WWTR1: variants seen among roughly 807,000 people sequenced by gnomAD.
WWTR1 encodes WW domain-containing transcription regulator protein 1.
In WWTR1, 13 loss-of-function variants were observed where a neutral mutation model predicts 40.1. The ratio of observed to expected loss-of-function variants is 0.32; its 90% CI spans 0.21 to 0.52. The LOEUF (loss-of-function observed/expected upper bound fraction) is 0.52, where lower values mean the gene tolerates loss of function less well. WWTR1 is among the 20% of genes least tolerant of loss of function. The pLI is 0.97. For missense variants in WWTR1, 436 were observed against 523.1 expected (o/e 0.83, Z 1.63); for synonymous variants, 230 against 210.1 (o/e 1.09, Z -0.82).
intron 3 of WWTR1, among the ~76,000 whole-genome samples, chr3:149,568,421 C>T (rs946004110): frequency 1.3e-5 from 2 of 148,708 alleles, no homozygotes; most frequent in South Asian, 4.2e-4. Flanking sequence ...TTACTCTGCT[C>T]AGACAGAATC....
In WWTR1 at chr3:149,580,042, T is replaced by C. The variant is rs548782744; in HGVS notation, c.432-7042A>G. On this transcript the variant is annotated intron_variant, in intron 2 of 6. Transcript: ENST00000360632. ...GGCAAGGAGTCTTGCCGAAGACTTA[T>C]ATTAAACTTTTAAAATTTTCCTCAA... 1.0e-3 allele frequency among the ~76,000 whole-genome samples: 159 copies of C among 152,342 alleles called. 2 individuals are homozygous for C. The highest frequency in any genetic ancestry group is 1.7e-3 in the Non-Finnish European group (117 of 68,028).
intron 2 of WWTR1, among the ~76,000 whole-genome samples, chr3:149,626,608 C>G (rs1740554011): frequency 6.6e-6 from 1 of 151,864 alleles, no homozygotes; most frequent in African/African-American, 2.4e-5. Context: ...CCAAAGCAGG[C>G]TGAGCGTTTT....
At chr3:149,640,010 A>AAAAAGAAAGAAAG (rs1553802828) in intron 2 of WWTR1, among the ~76,000 whole-genome samples, 4 of 140,414 alleles carry the variant, frequency 2.8e-5, no homozygotes, top group Admixed American at 6.9e-5. Flanking sequence ...AAAAAAAAAA[A>AAAAAGAAAGAAAG]AAAGAAAGAA....
At chr3:149,581,276 G>T (rs940814519) in intron 2 of WWTR1, among the ~76,000 whole-genome samples, 1 of 151,750 alleles carries the variant, frequency 6.6e-6, no homozygotes, top group South Asian at 2.1e-4. Context: ...AGAGGTAAAA[G>T]TCAAGCTGCC....
rs1417578639 is a variant in WWTR1 at position 149,572,901 on chromosome 3, C to T, written c.531G>A (p.Val177=). The change falls in exon 3 of 7, where the codon GTG becomes GTA. Residue 177 remains valine (V), a synonymous_variant. Coordinates refer to ENST00000360632, the MANE Select transcript of WWTR1 (RefSeq NM_015472.6). ...NLHPAVSSTP[V]PQRSMAVSQP... ...GGGATACTGCCATGGACCTCTGAGG[C>T]ACTGGTGTGGAACTGACGGCAGGGT... The T allele has an allele frequency of 3.7e-6, 6 of 1,613,580 alleles. No individual in the cohort carries two copies. Among genetic ancestry groups the T allele is most frequent in the Non-Finnish European group, 5.1e-6 (6 of 1,179,902 alleles).
At chr3:149,631,190 A>G (rs1318158402) in intron 2 of WWTR1, among the ~76,000 whole-genome samples, 2 of 152,200 alleles carry the variant, frequency 1.3e-5, no homozygotes, top group African/African-American at 2.4e-5. Flanking sequence ...CCTCCTACCA[A>G]TATCATGGGG....
At chr3:149,576,060 G>A (rs114665175) in intron 2 of WWTR1, 6,249 of 456,734 alleles carry the variant, frequency 0.014, 106 homozygotes, top group South Asian at 0.038. Context: ...TGGAGTACAA[G>A]AGGGAGCCTT....
intron 5 of WWTR1, among the ~76,000 whole-genome samples, chr3:149,527,027 C>T (rs889346712): frequency 6.6e-6 from 1 of 152,162 alleles, no homozygotes; most frequent in African/African-American, 2.4e-5. Flanking sequence ...ACCAGCTTCC[C>T]CAGTGATAAC....
At chr3:149,648,672 G>A (rs768450258) in intron 2 of WWTR1, among the ~76,000 whole-genome samples, 5 of 152,182 alleles carry the variant, frequency 3.3e-5, no homozygotes, top group Non-Finnish European at 7.3e-5. Flanking sequence ...AGTTCCTGAG[G>A]CCAGAAGGAG....
chr3:149,690,153 A>T (rs549517459), intron 1 of WWTR1, among the ~76,000 whole-genome samples: 7 of 152,306 alleles, frequency 4.6e-5, no homozygotes, highest in African/African-American at 1.7e-4. Context: ...AAAAAGCAAG[A>T]AATTAAAACA....
rs552837193 is a variant in WWTR1 at position 149,709,377 on chromosome 3, G to C, written n.585-6049C>G. Among the ~76,000 whole-genome samples the C allele has an allele frequency of 5.3e-5, 8 of 151,858 alleles. No homozygotes were observed. In the East Asian group the frequency reaches 9.7e-4, roughly 18 times the overall value. On this transcript the variant is annotated intron_variant and non_coding_transcript_variant, in intron 5 of 6. Transcript: ENST00000474080. Reference sequence around the variant, plus strand: ...TCTCCCTGTTGATTAGTAATTTTGGGTATCTTTTTATATACTTTGTTGGCT... The same window carrying C: ...TCTCCCTGTTGATTAGTAATTTTGGCTATCTTTTTATATACTTTGTTGGCT...
chr3:149,718,894 C>T (rs1320915058), intron 4 of WWTR1, among the ~76,000 whole-genome samples: 3 of 149,472 alleles, frequency 2.0e-5, no homozygotes, highest in Non-Finnish European at 3.0e-5. Context: ...GGTATGATCT[C>T]GGTTCAGTGC....
At chr3:149,700,513 G>A (rs1715135773) in intron 1 of WWTR1, among the ~76,000 whole-genome samples, 1 of 152,026 alleles carries the variant, frequency 6.6e-6, no homozygotes, top group African/African-American at 2.4e-5. Context: ...CTGTAAAATA[G>A]GGTTATAAAT....
chr3:149,717,897 A>G (rs969057642), intron 4 of WWTR1, among the ~76,000 whole-genome samples: 1 of 151,990 alleles, frequency 6.6e-6, no homozygotes, highest in African/African-American at 2.4e-5. Flanking sequence ...GTATTCATTC[A>G]TGTTTTTCTC....
At chr3:149,654,851 T>C (rs1713101937) in intron 2 of WWTR1, among the ~76,000 whole-genome samples, 1 of 151,676 alleles carries the variant, frequency 6.6e-6, no homozygotes, top group Non-Finnish European at 1.5e-5. Flanking sequence ...GGGCCAGGCG[T>C]GGTGGCTCAC....
chr3:149,695,022 G>C (rs1015832873), intron 1 of WWTR1, among the ~76,000 whole-genome samples: 11 of 152,110 alleles, frequency 7.2e-5, no homozygotes, highest in Admixed American at 2.0e-4. Context: ...AGATGGAATT[G>C]GAACACATTA....
At chr3:149,585,815 A>C (rs962762651) in intron 2 of WWTR1, among the ~76,000 whole-genome samples, 26 of 152,256 alleles carry the variant, frequency 1.7e-4, no homozygotes, top group African/African-American at 5.3e-4. Flanking sequence ...ATGCTCAAGA[A>C]GTTTTAATCT....
At chr3:149,568,124 G>A (rs1019991444) in intron 3 of WWTR1, among the ~76,000 whole-genome samples, 2 of 152,112 alleles carry the variant, frequency 1.3e-5, no homozygotes, top group Admixed American at 1.3e-4. Flanking sequence ...AGTGGCTCAC[G>A]CCTGTAATCC....
chr3:149,559,929 C>T (rs556684560), intron 3 of WWTR1, among the ~76,000 whole-genome samples: 50 of 152,262 alleles, frequency 3.3e-4, no homozygotes, highest in African/African-American at 1.1e-3. Flanking sequence ...CCCAACAGAC[C>T]GGTTGGAGGT....
Sources: gnomAD v4.1 joint callset for allele counts (sites outside exome capture counted in the v4.1 genomes callset) on GRCh38, gnomAD v4.1.1 for gene constraint, MANE v1.5 for transcripts, NCBI Gene and HGNC (gene_info 2026-07-23, HGNC 2026-07-21) for gene names.